STAG1: variants seen among roughly 807,000 people sequenced by gnomAD.
STAG1 encodes the protein cohesin subunit SA-1.
STAG1 carries 26 observed loss-of-function variants against 170.9 expected under a neutral mutation model. The observed-to-expected ratio is 0.15, with a 90% confidence interval of 0.11 to 0.21. The LOEUF is 0.21. Among genes scored for constraint, STAG1 ranks in the 10% least tolerant of loss-of-function variants. The pLI, the probability that STAG1 is intolerant of heterozygous loss-of-function variation, is 1.00. For synonymous variants in STAG1, 514 were observed against 497.7 expected (o/e 1.03, Z -0.44); for missense variants, 964 against 1,509.5 (o/e 0.64, Z 5.99).
intron 1 of STAG1, among the ~76,000 whole-genome samples, chr3:136,634,506 G>A (rs1322992567): frequency 6.7e-6 from 1 of 148,204 alleles, no homozygotes; most frequent in East Asian, 2.0e-4. Context: ...AGAGAAATTA[G>A]AATACTTGGA....
chr3:136,482,042 T>C lies in STAG1; in HGVS notation c.903-4630A>G, dbSNP rs2107830995. ...TCAAAAAACCAGCTCCTGGATTCAT[T>C]GATTTTTTGAAGGGTTTTTTGTGTC... On this transcript the variant is annotated intron_variant, in intron 9 of 33. Coordinates refer to ENST00000383202, the MANE Select transcript of STAG1 (RefSeq NM_005862.3). Among the ~76,000 whole-genome samples, 2 of 39,058 alleles carry C rather than the reference T, an allele frequency of 5.1e-5. 1 individual carries two copies. The highest frequency in any genetic ancestry group is 3.0e-3 in the East Asian group (2 of 662). 25.6% of individuals were successfully genotyped at this position (39,058 alleles called of 152,430 possible). A position where few individuals can be genotyped will look rare whatever the true frequency, so the allele number is the denominator to read the frequency against.
chr3:136,721,531 A>T (rs1201648832), intron 1 of STAG1: 4 of 152,236 alleles, frequency 2.6e-5, no homozygotes, highest in Non-Finnish European at 5.9e-5. Flanking sequence ...AATGAAATAA[A>T]TTGCTTACAG....
intron 6 of STAG1, among the ~76,000 whole-genome samples, chr3:136,539,272 C>G (rs910877740): frequency 6.6e-6 from 1 of 152,030 alleles, no homozygotes. Flanking sequence ...TACTATTTAA[C>G]CATTTTTATA....
At chr3:136,471,101 T>G (rs937566601) in intron 12 of STAG1, among the ~76,000 whole-genome samples, 6 of 130,070 alleles carry the variant, frequency 4.6e-5, no homozygotes, top group African/African-American at 8.5e-5. Flanking sequence ...ATTGTGCACA[T>G]GTACCCCAGA....
chr3:136,354,970 G>A (rs1168565666), intron 28 of STAG1, among the ~76,000 whole-genome samples: 1 of 151,934 alleles, frequency 6.6e-6, no homozygotes, highest in Non-Finnish European at 1.5e-5. Flanking sequence ...AATAAAGCTG[G>A]AGTGATTATA....
chr3:136,451,294 A>G (rs1295075981), intron 14 of STAG1, among the ~76,000 whole-genome samples: 1 of 152,188 alleles, frequency 6.6e-6, no homozygotes, highest in Non-Finnish European at 1.5e-5. Flanking sequence ...ACATGGAAAT[A>G]TTGCTATGAG....
chr3:136,434,236 T>C (rs2088391364), intron 15 of STAG1, among the ~76,000 whole-genome samples: 1 of 152,104 alleles, frequency 6.6e-6, no homozygotes, highest in Non-Finnish European at 1.5e-5. Flanking sequence ...AAAGAAGAAA[T>C]AATGGATTCA....
rs146193326 is a variant in STAG1 at position 136,375,633 on chromosome 3, T to G, written c.2370+2027A>C. On this transcript the variant is annotated intron_variant, in intron 23 of 33. Coordinates refer to ENST00000383202, the MANE Select transcript of STAG1 (RefSeq NM_005862.3). ...AACCAGCAGGCCATAGTTTTGGACA[T>G]CACCAAGCAGGTCTGATGCAGAAAC... Among the ~76,000 whole-genome samples the G allele has an allele frequency of 1.2e-3, 184 of 152,146 alleles. 1 individual carries two copies. Among genetic ancestry groups the G allele is most frequent in the African/African-American group, 4.1e-3 (169 of 41,520 alleles).
intron 19 of STAG1, among the ~76,000 whole-genome samples, chr3:136,422,121 T>A (rs1214422277): frequency 1.4e-5 from 2 of 143,520 alleles, no homozygotes; most frequent in Admixed American, 7.3e-5. Flanking sequence ...GCCACTGCAC[T>A]CTAGCCTGGG....
intron 6 of STAG1, among the ~76,000 whole-genome samples, chr3:136,529,693 A>G (rs1174559062): frequency 6.6e-6 from 1 of 152,236 alleles, no homozygotes; most frequent in Non-Finnish European, 1.5e-5. Flanking sequence ...TTTACCATGA[A>G]GAAAACACAC....
chr3:136,364,276 T>A (rs1411352804), intron 25 of STAG1, among the ~76,000 whole-genome samples: 2 of 151,164 alleles, frequency 1.3e-5, no homozygotes, highest in East Asian at 3.9e-4. Context: ...AGAGACAGGG[T>A]TTCACCATGT....
chr3:136,707,327 T>C (rs1235794550), intron 1 of STAG1, among the ~76,000 whole-genome samples: 2 of 152,096 alleles, frequency 1.3e-5, no homozygotes. Flanking sequence ...TAAAGAACTC[T>C]TACAACTCAA....
intron 1 of STAG1, among the ~76,000 whole-genome samples, chr3:136,681,873 T>A (rs1942347702): frequency 6.6e-6 from 1 of 152,108 alleles, no homozygotes. Context: ...GGAAATTTTT[T>A]CAATATAACA....
intron 23 of STAG1, 138 bp from the exon 24 acceptor site, chr3:136,369,420 A>G: frequency 1.6e-6 from 1 of 626,054 alleles, no homozygotes; most frequent in Non-Finnish European, 2.4e-6. Context: ...AATTCCAAAT[A>G]TTGTTATAAT....
chr3:136,647,492 C>T (rs891000473), intron 1 of STAG1, among the ~76,000 whole-genome samples: 3 of 152,150 alleles, frequency 2.0e-5, no homozygotes, highest in East Asian at 1.9e-4. Context: ...TCGCTTGAAC[C>T]CGGGAGGCAG....
At chr3:136,681,297 T>C (rs1195395152) in intron 1 of STAG1, among the ~76,000 whole-genome samples, 1 of 152,222 alleles carries the variant, frequency 6.6e-6, no homozygotes, top group Non-Finnish European at 1.5e-5. Flanking sequence ...AAAAGCAATT[T>C]ACCTATGCCC....
chr3:136,521,536 G>T, intron 6 of STAG1, 119 bp from the exon 7 acceptor site: 1 of 736,754 alleles, frequency 1.4e-6, no homozygotes, highest in Non-Finnish European at 2.2e-6. Context: ...GAAAGAAATA[G>T]GTGACTTTCA....
At chr3:136,599,163 G>A (rs1396619156) in intron 4 of STAG1, among the ~76,000 whole-genome samples, 8 of 152,004 alleles carry the variant, frequency 5.3e-5, no homozygotes, top group Non-Finnish European at 8.8e-5. Context: ...TTCATAATAG[G>A]AAAGACATAA....
chr3:136,465,557 T>G (rs1199617970), intron 12 of STAG1, among the ~76,000 whole-genome samples: 2 of 15,834 alleles, frequency 1.3e-4, no homozygotes, highest in African/African-American at 4.9e-4. Context: ...GACTCTTGCC[T>G]CAAAAAAAAA....
Sources: gnomAD v4.1 joint callset for allele counts (sites outside exome capture counted in the v4.1 genomes callset) on GRCh38, gnomAD v4.1.1 for gene constraint, MANE v1.5 for transcripts, NCBI Gene and HGNC (gene_info 2026-07-23, HGNC 2026-07-21) for gene names.